Variants in OTOA observed in about 807,000 individuals in gnomAD.
The protein encoded by OTOA is otoancorin.
A neutral mutation model predicts 110.8 loss-of-function variants in OTOA; 70 were observed. That is an observed-to-expected ratio of 0.63 (90% CI 0.52 to 0.77). The LOEUF (loss-of-function observed/expected upper bound fraction) is 0.77. Among genes scored for constraint, OTOA ranks in the 30% least tolerant of loss-of-function variants. The probability of loss-of-function intolerance (pLI) is 0.00; values close to 1 mark genes in which losing one functional copy is unlikely to be tolerated. For missense variants in OTOA, 917 were observed against 1,075.8 expected (o/e 0.85, Z 2.06); for synonymous variants, 373 against 431.5 (o/e 0.86, Z 1.68).
chr16:21,691,813 G>A (rs1039584147), intron 9 of OTOA, 126 bp downstream of exon 9: 11 of 842,894 alleles, frequency 1.3e-5, no homozygotes, highest in Middle Eastern at 2.4e-4. Context: ...CCACTGCTTC[G>A]AAAAACAGTT....
chr16:21,679,223 T>C lies in OTOA; in HGVS notation c.179+12T>C. On this transcript the variant is annotated intron_variant, in intron 5 of 28. Transcript: ENST00000646100. ...ATACAGTTTCAAAGGTAAAATGCCC[T>C]AGAGGAGAGGGGAAGGGATGGTATA... 1 of 1,612,652 alleles carries C rather than the reference T, an allele frequency of 6.2e-7. No homozygotes were observed. The highest frequency in any genetic ancestry group is 8.5e-7 in the Non-Finnish European group (1 of 1,179,344).
intron 21 of OTOA, among the ~76,000 whole-genome samples, chr16:21,735,585 C>A (rs535718232): frequency 1.8e-4 from 27 of 151,974 alleles, no homozygotes; most frequent in Non-Finnish European, 2.5e-4. Flanking sequence ...GGGGTAGGTA[C>A]ACATACATTT....
intron 11 of OTOA, among the ~76,000 whole-genome samples, chr16:21,702,903 T>C (rs1898080906): frequency 6.6e-6 from 1 of 152,136 alleles, no homozygotes; most frequent in Admixed American, 6.5e-5. Context: ...CTTGATCTCT[T>C]GACCTTGTGA....
intron 20 of OTOA, chr16:21,730,448 C>T (rs1275449015): frequency 3.1e-5 from 9 of 286,248 alleles, no homozygotes; most frequent in African/African-American, 1.5e-4. Flanking sequence ...TAACGGGAAA[C>T]TCCACTGGTG....
chr16:21,669,867 T>C (rs1966846760), intron 1 of OTOA, among the ~76,000 whole-genome samples: 1 of 152,148 alleles, frequency 6.6e-6, no homozygotes, highest in African/African-American at 2.4e-5. Flanking sequence ...GGCTCACACC[T>C]GTCATCCCAG....
chr16:21,749,698 T>C (rs1329018734), intron 24 of OTOA, among the ~76,000 whole-genome samples: 2 of 113,362 alleles, frequency 1.8e-5, no homozygotes. Flanking sequence ...AGACTTTATT[T>C]TGTGAGACAG....
At chr16:21,690,850 T>C (rs1897815063) in intron 8 of OTOA, among the ~76,000 whole-genome samples, 2 of 151,880 alleles carry the variant, frequency 1.3e-5, no homozygotes, top group Admixed American at 6.6e-5. Flanking sequence ...AGTTCTAGGG[T>C]ACATGTGCAC....
rs545792366 is a variant in OTOA, at chr16:21,759,127, G to A, written c.3350-1343G>A. On this transcript the variant is annotated intron_variant, in intron 28 of 28. Coordinates refer to ENST00000646100, the MANE Select transcript of OTOA (RefSeq NM_144672.4). ...ATATGTGCAATAGATAATGCACAGG[G>A]TTCCGAATATATAAAGTCTGCAAGG... 1.5e-3 allele frequency among the ~76,000 whole-genome samples: 229 copies of A among 152,210 alleles called. 1 individual carries two copies. The highest frequency in any genetic ancestry group is 1.7e-3 in the Non-Finnish European group (114 of 68,018).
chr16:21,736,470 T>C (rs1899304187), intron 22 of OTOA, 80 bp downstream of exon 22: 4 of 1,501,844 alleles, frequency 2.7e-6, no homozygotes, highest in Non-Finnish European at 3.7e-6. Flanking sequence ...TCAAGAGGCC[T>C]CCTTATGCAG....
intron 11 of OTOA, 111 bp from the exon 12 acceptor site, chr16:21,705,058 G>A: frequency 1.3e-6 from 2 of 1,546,448 alleles, no homozygotes; most frequent in Non-Finnish European, 8.9e-7. Context: ...CTTCAACCTG[G>A]GAGTCCGTGG....
At chr16:21,688,870 G>T (rs1182122191) in intron 8 of OTOA, among the ~76,000 whole-genome samples, 1 of 152,110 alleles carries the variant, frequency 6.6e-6, no homozygotes, top group African/African-American at 2.4e-5. Context: ...CAGCACAAAG[G>T]CTCTGAGCCT....
Position 21,691,675 on chromosome 16 carries a change from T to A in OTOA, c.727T>A (p.Ser243Thr). Residue 243 changes from serine (S) to threonine (T), a missense_variant, in exon 9 of 29, where the codon TCC (serine) becomes ACC (threonine). Ser to Thr is a moderately conservative substitution (Grantham distance 58, BLOSUM62 1). Transcript: ENST00000646100. ...SWMTGILQTSSNATDDSASWV... is the reference protein window; with the variant it reads ...SWMTGILQTSTNATDDSASWV... ...GATGACTGGAATACTGCAGACATCC[T>A]CCAATGCCACTGGTGAGCCTGTACT... 6.2e-7 allele frequency: 1 copy of A among 1,613,540 alleles called. No individual in the cohort carries two copies. Among genetic ancestry groups the A allele is most frequent in the Non-Finnish European group, 8.5e-7 (1 of 1,179,554 alleles).
chr16:21,730,886 C>T lies in OTOA; in HGVS notation c.2257C>T (p.Leu753=), dbSNP rs769536044. The T allele has an allele frequency of 3.8e-5, 60 of 1,577,448 alleles. 4 individuals are homozygous for T. The highest frequency in any genetic ancestry group is 5.1e-5 in the Non-Finnish European group (59 of 1,152,014). The change falls in exon 21 of 29, where the codon CTA becomes TTA. Residue 753 remains leucine, a synonymous_variant. Coordinates refer to ENST00000646100, the MANE Select transcript of OTOA (RefSeq NM_144672.4). ...GACCACGAAGGACTTGGGACCCTTT[C>T]TAGTACTTTTCTCAGGAGATGAATT... The part of the protein sequence containing the change: ...AETTKDLGPF[L]VLFSGDELSS...
intron 18 of OTOA, among the ~76,000 whole-genome samples, chr16:21,723,584 A>G (rs1217931612): frequency 6.6e-6 from 1 of 152,214 alleles, no homozygotes; most frequent in Non-Finnish European, 1.5e-5. Context: ...GACAAACATG[A>G]AGCCAATTAT....
chr16:21,718,178 G>A (rs1225275591), intron 15 of OTOA, among the ~76,000 whole-genome samples: 6 of 152,060 alleles, frequency 3.9e-5, no homozygotes, highest in African/African-American at 1.2e-4. Flanking sequence ...GGCTGGTGTC[G>A]AACTCTTGAC....
chr16:21,756,419 G>A (rs1343493466), intron 27 of OTOA, among the ~76,000 whole-genome samples: 2 of 152,078 alleles, frequency 1.3e-5, no homozygotes, highest in Non-Finnish European at 2.9e-5. Context: ...AGTTCTCTAT[G>A]CCGTCTCACA....
rs769763162 is a variant in OTOA, at chr16:21,700,871, C to A, written c.841-17C>A. 9 of 1,613,844 alleles carry A rather than the reference C, an allele frequency of 5.6e-6. No homozygotes were observed. In the South Asian group the frequency reaches 8.8e-5, roughly 16 times the overall value. ...CCACCCTCCTCACTGATATTCTCGT[C>A]CTTGTCCACCAACTAGATTGGGCTG... On this transcript the variant is annotated splice_polypyrimidine_tract_variant and intron_variant, in intron 10 of 28. Coordinates refer to ENST00000646100, the MANE Select transcript of OTOA (RefSeq NM_144672.4).
intron 9 of OTOA, among the ~76,000 whole-genome samples, chr16:21,695,237 A>T (rs77156684): frequency 1.0e-5 from 1 of 97,586 alleles, no homozygotes; most frequent in East Asian, 3.9e-4. Context: ...CCCCCCCCCC[A>T]TACAAAAAAA....
chr16:21,705,064 C>T (rs369416778), intron 11 of OTOA, 105 bp from the exon 12 acceptor site: 3 of 1,570,442 alleles, frequency 1.9e-6, no homozygotes, highest in Non-Finnish European at 2.6e-6. Flanking sequence ...CCTGGGAGTC[C>T]GTGGCAACTG....
Sources: allele counts gnomAD v4.1 joint callset (sites outside exome capture counted in the v4.1 genomes callset), GRCh38; gene constraint gnomAD v4.1.1; transcripts MANE v1.5; gene names NCBI Gene and HGNC (gene_info 2026-07-23, HGNC 2026-07-21).